SLC4A10: variants seen among roughly 807,000 people sequenced by gnomAD.
SLC4A10 encodes the protein solute carrier family 4 member 10, also known as sodium-driven chloride bicarbonate exchanger.
Under a neutral mutation model 137.7 loss-of-function variants are expected in SLC4A10, and 42 were observed. The observed-to-expected ratio is 0.30, with a 90% CI of 0.24 to 0.39. The LOEUF is 0.39. Among genes scored for constraint, SLC4A10 ranks in the 10% least tolerant of loss-of-function variants. The pLI is 1.00. For synonymous variants in SLC4A10, 474 were observed against 464.1 expected, an observed-to-expected ratio of 1.02 and a Z score of -0.27; for missense variants, 925 against 1,355.0, an observed-to-expected ratio of 0.68 and a Z score of 4.98.
intron 23 of SLC4A10, among the ~76,000 whole-genome samples, chr2:161,970,531 G>T (rs1016470997): frequency 2.0e-5 from 3 of 152,186 alleles, no homozygotes; most frequent in Non-Finnish European, 4.4e-5. Flanking sequence ...GATTTCTGAA[G>T]AGTATTCCAT....
intron 10 of SLC4A10, among the ~76,000 whole-genome samples, chr2:161,891,098 T>C (rs2062860405): frequency 6.6e-6 from 1 of 152,186 alleles, no homozygotes; most frequent in African/African-American, 2.4e-5. Context: ...AAATTTCTTT[T>C]CTTTAAGAAT....
intron 1 of SLC4A10, among the ~76,000 whole-genome samples, chr2:161,672,109 G>A (rs1210045598): frequency 6.6e-6 from 1 of 152,112 alleles, no homozygotes; most frequent in Non-Finnish European, 1.5e-5. Flanking sequence ...GTACCAAGAA[G>A]CGCAGTTGGG....
At chr2:161,644,151 G>A (rs946472556) in intron 1 of SLC4A10, among the ~76,000 whole-genome samples, 6 of 150,876 alleles carry the variant, frequency 4.0e-5, no homozygotes, top group African/African-American at 1.5e-4. Context: ...ATCTTAAGTG[G>A]TTTTAGATAC....
chr2:161,820,397 C>A (rs2057513182), intron 3 of SLC4A10, among the ~76,000 whole-genome samples: 1 of 152,094 alleles, frequency 6.6e-6, no homozygotes, highest in Non-Finnish European at 1.5e-5. Context: ...ATTATCACAC[C>A]AGAACATCTG....
chr2:161,880,128 T>G (rs1052879190), intron 9 of SLC4A10, among the ~76,000 whole-genome samples: 1 of 152,160 alleles, frequency 6.6e-6, no homozygotes, highest in African/African-American at 2.4e-5. Flanking sequence ...AGATAGCCTT[T>G]TACTCTAGTC....
In SLC4A10 at chr2:161,751,885, G is replaced by A. The variant is rs564645708; in HGVS notation, c.49-19088G>A. 4.6e-4 allele frequency among the ~76,000 whole-genome samples: 70 copies of A among 151,994 alleles called. No individual in the cohort carries two copies. The Middle Eastern group carries it at 0.01, about 22-fold the overall frequency. ...TAAATGAAATTCTATTACATTAAAT[G>A]CATACACGTTTACTCAAGTACATCT... is the stretch of plus-strand genomic sequence containing the variant. On this transcript the variant is annotated intron_variant, in intron 1 of 26. Coordinates refer to ENST00000446997, the MANE Select transcript of SLC4A10 (RefSeq NM_001178015.2).
intron 9 of SLC4A10, among the ~76,000 whole-genome samples, chr2:161,879,615 T>A (rs1004388951): frequency 6.6e-6 from 1 of 151,616 alleles, no homozygotes; most frequent in East Asian, 1.9e-4. Flanking sequence ...TCTCAAAGAT[T>A]GCATTAAATT....
chr2:161,803,121 A>G (rs1353966659), intron 2 of SLC4A10, among the ~76,000 whole-genome samples: 1 of 152,156 alleles, frequency 6.6e-6, no homozygotes, highest in Non-Finnish European at 1.5e-5. Context: ...TCTACTTGGT[A>G]ACACAAATAT....
At chr2:161,745,688 G>A (rs1054982141) in intron 1 of SLC4A10, among the ~76,000 whole-genome samples, 1 of 152,032 alleles carries the variant, frequency 6.6e-6, no homozygotes, top group African/African-American at 2.4e-5. Context: ...GTCTGGTCTT[G>A]TTTGTTCCCT....
At chr2:161,732,155 GC>G (rs2046884546) in intron 1 of SLC4A10, among the ~76,000 whole-genome samples, 7 of 152,186 alleles carry the variant, frequency 4.6e-5, no homozygotes, top group Admixed American at 1.3e-4. Context: ...TTTTATGGGA[GC>G]TTCATTACTA....
intron 1 of SLC4A10, among the ~76,000 whole-genome samples, chr2:161,694,472 TAA>T (rs60022977): frequency 0.019 from 2,732 of 146,670 alleles, 26 homozygotes; most frequent in Non-Finnish European, 0.027. Context: ...AGCAGATTGT[TAA>T]AAAAAAAAAA....
At chr2:161,669,295 A>T (rs542274431) in intron 1 of SLC4A10, among the ~76,000 whole-genome samples, 3 of 151,826 alleles carry the variant, frequency 2.0e-5, no homozygotes, top group Non-Finnish European at 4.4e-5. Flanking sequence ...TTATGCAGGA[A>T]CAGTGAAGGA....
chr2:161,798,878 T>C (rs2055064259), intron 2 of SLC4A10, among the ~76,000 whole-genome samples: 1 of 148,138 alleles, frequency 6.8e-6, no homozygotes, highest in African/African-American at 2.5e-5. Flanking sequence ...TGGTTAACTG[T>C]TTGAAGTATT....
At chr2:161,847,491 T>C (rs1001152736) in intron 4 of SLC4A10, among the ~76,000 whole-genome samples, 4 of 152,050 alleles carry the variant, frequency 2.6e-5, no homozygotes, top group African/African-American at 9.7e-5. Flanking sequence ...CCTTACCTGA[T>C]AGATATTTTT....
chr2:161,857,462 A>G (rs192361948), intron 5 of SLC4A10, among the ~76,000 whole-genome samples: 2 of 152,346 alleles, frequency 1.3e-5, no homozygotes, highest in Admixed American at 6.5e-5. Context: ...AAAGAAAAAT[A>G]TGATTACAAA....
At chr2:161,783,621 A>G (rs1180132957) in intron 2 of SLC4A10, among the ~76,000 whole-genome samples, 2 of 151,974 alleles carry the variant, frequency 1.3e-5, no homozygotes, top group African/African-American at 2.4e-5. Flanking sequence ...CTGTGACAAC[A>G]ATAACAAAAT....
At chr2:161,697,268 T>C (rs900420359) in intron 1 of SLC4A10, among the ~76,000 whole-genome samples, 4 of 152,218 alleles carry the variant, frequency 2.6e-5, no homozygotes, top group Non-Finnish European at 5.9e-5. Context: ...CTGTTCACTC[T>C]GTTGGTAGTT....
At chr2:161,949,101 T>G in intron 17 of SLC4A10, 47 bp from the exon 18 acceptor site, 5 of 1,237,526 alleles carry the variant, frequency 4.0e-6, no homozygotes, top group Non-Finnish European at 5.9e-6. Context: ...GAGTATTCCT[T>G]GATATTTATA....
chr2:161,704,705 A>G (rs1013474683), intron 1 of SLC4A10, among the ~76,000 whole-genome samples: 4 of 151,628 alleles, frequency 2.6e-5, no homozygotes, highest in Non-Finnish European at 5.9e-5. Flanking sequence ...ATATGCTATT[A>G]TGCTATATAT....
Sources: allele counts gnomAD v4.1 joint callset (sites outside exome capture counted in the v4.1 genomes callset), GRCh38; gene constraint gnomAD v4.1.1; transcripts MANE v1.5; gene names NCBI Gene and HGNC (gene_info 2026-07-23, HGNC 2026-07-21).